EPHA7: variants seen among roughly 807,000 people sequenced by gnomAD.
The protein encoded by EPHA7 is ephrin type-A receptor 7.
A neutral mutation model predicts 112.6 loss-of-function variants in EPHA7; 25 were observed. The observed-to-expected ratio is 0.22, with a 90% CI of 0.16 to 0.31. EPHA7 has a LOEUF of 0.31. Ranked by LOEUF, EPHA7 falls within the 10% of genes least tolerant of loss-of-function variation. The probability of loss-of-function intolerance (pLI) is 1.00; values close to 1 mark genes in which losing one functional copy is unlikely to be tolerated. For synonymous variants in EPHA7, 437 were observed against 406.5 expected (o/e 1.07, Z -0.90); for missense variants, 962 against 1,212.6 (o/e 0.79, Z 3.07).
At chr6:93,359,874 G>GAGAGAGAGAGAGAGATAGAGAGAT in intron 3 of EPHA7, among the ~76,000 whole-genome samples, 1 of 127,850 alleles carries the variant, frequency 7.8e-6, no homozygotes, top group Non-Finnish European at 1.7e-5. Context: ...GAGAGAGAGA[G>GAGAGAGAGAGAGAGATAGAGAGAT]AGATAGATAG....
At chr6:93,283,959 G>A (rs1289259519) in intron 5 of EPHA7, among the ~76,000 whole-genome samples, 1 of 151,602 alleles carries the variant, frequency 6.6e-6, no homozygotes. Flanking sequence ...TATAATTGAA[G>A]GTATGCCTAT....
At chr6:93,396,286 G>C (rs945669045) in intron 3 of EPHA7, among the ~76,000 whole-genome samples, 1 of 151,682 alleles carries the variant, frequency 6.6e-6, no homozygotes, top group Non-Finnish European at 1.5e-5. Flanking sequence ...TAGAAAAAAT[G>C]TACTTTTCTA....
At chr6:93,397,620 T>C (rs1778244136) in intron 3 of EPHA7, among the ~76,000 whole-genome samples, 1 of 151,974 alleles carries the variant, frequency 6.6e-6, no homozygotes, top group Non-Finnish European at 1.5e-5. Context: ...CTCATGCGTA[T>C]GTCCATCAAT....
Position 93,417,928 on chromosome 6 carries a change from C to A in EPHA7, c.97+1317G>T, listed in dbSNP as rs533379520. On this transcript the variant is annotated intron_variant, in intron 1 of 16. Coordinates refer to ENST00000369303, the MANE Select transcript of EPHA7 (RefSeq NM_004440.4). Reference sequence around the variant, plus strand: ...GCGCCGGGTTTGAGGGGGGCTTGAGCGAACTAAGAGGAGTGCACGATGAGA... The same window carrying A: ...GCGCCGGGTTTGAGGGGGGCTTGAGAGAACTAAGAGGAGTGCACGATGAGA... Among the ~76,000 whole-genome samples, 205 of 151,908 alleles carry A rather than the reference C, an allele frequency of 1.3e-3. 1 individual carries two copies. The highest frequency in any genetic ancestry group is 4.7e-3 in the African/African-American group (195 of 41,380).
chr6:93,268,676 T>C (rs1378108220), intron 7 of EPHA7, among the ~76,000 whole-genome samples: 2 of 151,684 alleles, frequency 1.3e-5, no homozygotes, highest in African/African-American at 4.8e-5. Context: ...GCAGTGGTAT[T>C]CAGGGTGTTC....
chr6:93,394,288 G>A (rs942070999), intron 3 of EPHA7, among the ~76,000 whole-genome samples: 21 of 151,456 alleles, frequency 1.4e-4, no homozygotes, highest in African/African-American at 4.1e-4. Context: ...ACTCAAATAC[G>A]CACCTTTTAT....
intron 2 of EPHA7, among the ~76,000 whole-genome samples, chr6:93,413,004 T>G (rs537615303): frequency 6.6e-6 from 1 of 152,096 alleles, no homozygotes; most frequent in South Asian, 2.1e-4. Flanking sequence ...CTACAAACAT[T>G]GAGACTACAT....
At chr6:93,354,405 C>T (rs1405889641) in intron 5 of EPHA7, among the ~76,000 whole-genome samples, 1 of 151,956 alleles carries the variant, frequency 6.6e-6, no homozygotes, top group Non-Finnish European at 1.5e-5. Flanking sequence ...TATTTTAATA[C>T]AAAACTGCAA....
intron 5 of EPHA7, among the ~76,000 whole-genome samples, chr6:93,350,735 C>G (rs190519982): frequency 2.6e-5 from 4 of 151,980 alleles, no homozygotes; most frequent in Non-Finnish European, 5.9e-5. Context: ...CACAGTAACA[C>G]TAGGCAGGAA....
At chr6:93,386,544 C>G (rs1320432726) in intron 3 of EPHA7, among the ~76,000 whole-genome samples, 1 of 152,142 alleles carries the variant, frequency 6.6e-6, no homozygotes, top group Non-Finnish European at 1.5e-5. Flanking sequence ...GTAAGCTGTT[C>G]ATGGATATTC....
At chr6:93,247,052 G>T (rs1009699233) in intron 14 of EPHA7, 67 bp from the exon 15 acceptor site, 1 of 1,318,886 alleles carries the variant, frequency 7.6e-7, no homozygotes, top group Non-Finnish European at 1.0e-6. Context: ...CAAATTTCCT[G>T]GTAGGCAAAA....
intron 5 of EPHA7, among the ~76,000 whole-genome samples, chr6:93,313,907 G>T (rs915843738): frequency 5.3e-5 from 8 of 151,894 alleles, no homozygotes; most frequent in Non-Finnish European, 1.2e-4. Flanking sequence ...GATGTAAGAT[G>T]GTAGCAAATT....
chr6:93,315,020 G>A (rs1465183655), intron 5 of EPHA7, among the ~76,000 whole-genome samples: 6 of 149,354 alleles, frequency 4.0e-5, no homozygotes, highest in Admixed American at 4.0e-4. Flanking sequence ...CCGCCACCAC[G>A]CCCGGCTAAT....
At chr6:93,278,122 T>C (rs1292052693) in intron 5 of EPHA7, among the ~76,000 whole-genome samples, 1 of 151,986 alleles carries the variant, frequency 6.6e-6, no homozygotes, top group Non-Finnish European at 1.5e-5. Context: ...GGAAACCAAT[T>C]GTTTGGACAT....
intron 3 of EPHA7, among the ~76,000 whole-genome samples, chr6:93,383,797 A>C (rs1777467491): frequency 6.6e-6 from 1 of 152,112 alleles, no homozygotes; most frequent in Non-Finnish European, 1.5e-5. Flanking sequence ...TCCTGGGCTC[A>C]AGCCATCTGC....
chr6:93,316,949 T>A (rs1773845403), intron 5 of EPHA7, among the ~76,000 whole-genome samples: 1 of 152,154 alleles, frequency 6.6e-6, no homozygotes, highest in Non-Finnish European at 1.5e-5. Context: ...TAAACTATAG[T>A]CCTAAGATGG....
chr6:93,297,684 A>G (rs1582471301), intron 5 of EPHA7, among the ~76,000 whole-genome samples: 1 of 152,156 alleles, frequency 6.6e-6, no homozygotes, highest in Middle Eastern at 3.4e-3. Context: ...CTCATACACA[A>G]CCTTGTCAGC....
intron 5 of EPHA7, among the ~76,000 whole-genome samples, chr6:93,329,373 A>T (rs1021514700): frequency 2.6e-5 from 4 of 151,486 alleles, no homozygotes; most frequent in African/African-American, 9.7e-5. Context: ...TTTGTTAATT[A>T]GTATATAAGC....
intron 14 of EPHA7, among the ~76,000 whole-genome samples, chr6:93,251,335 T>C (rs1770198398): frequency 6.6e-6 from 1 of 152,056 alleles, no homozygotes; most frequent in African/African-American, 2.4e-5. Flanking sequence ...AAATGACTTT[T>C]CTTATATGGC....
Sources: gnomAD v4.1 joint callset for allele counts (sites outside exome capture counted in the v4.1 genomes callset) on GRCh38, gnomAD v4.1.1 for gene constraint, MANE v1.5 for transcripts, NCBI Gene and HGNC (gene_info 2026-07-23, HGNC 2026-07-21) for gene names.